The following CEACAM5 variants were observed in gnomAD, a reference collection of about 807,000 sequenced individuals.
CEACAM5 encodes CEA cell adhesion molecule 5.
CEACAM5 carries 52 observed loss-of-function variants against 63.0 expected under a neutral mutation model. That is an observed-to-expected ratio of 0.83 (90% confidence interval 0.66 to 1.04). The LOEUF (loss-of-function observed/expected upper bound fraction) is 1.04. Ranked by LOEUF, CEACAM5 falls within the 50% of genes least tolerant of loss-of-function variation. CEACAM5 has a pLI of 0.00. For synonymous variants in CEACAM5, 357 were observed against 351.3 expected, an observed-to-expected ratio of 1.02 and a Z score of -0.18; for missense variants, 790 against 864.8, an observed-to-expected ratio of 0.91 and a Z score of 1.08.
rs199644619 is a variant in CEACAM5, at chr19:41,720,842, G to T, written c.1772-80G>T. On this transcript the variant is annotated intron_variant, in intron 7 of 9. Coordinates refer to ENST00000221992, the MANE Select transcript of CEACAM5 (RefSeq NM_004363.6). ...ACAGGATTGGGACAGGATTCAGAGG[G>T]ACACTGTGGCCCTTCTACAATCAGG... 13 of 1,541,292 alleles carry T rather than the reference G, an allele frequency of 8.4e-6. No homozygotes were observed. In the East Asian group the frequency reaches 2.9e-4, roughly 35 times the overall value.
chr19:41,718,053 T>C (rs2072555995), intron 5 of CEACAM5, 75 bp from the exon 6 acceptor site: 3 of 1,558,538 alleles, frequency 1.9e-6, no homozygotes, highest in Admixed American at 3.5e-5. Flanking sequence ...GGGGACACTG[T>C]TGCCCTTTCA....
intron 1 of CEACAM5, among the ~76,000 whole-genome samples, chr19:41,709,450 C>A (rs2072396101): frequency 6.6e-6 from 1 of 151,938 alleles, no homozygotes; most frequent in Non-Finnish European, 1.5e-5. Flanking sequence ...CGTGAAGACC[C>A]CTGGAAAAGC....
In CEACAM5 at chr19:41,727,336, T is replaced by G. The variant is rs185229336; in HGVS notation, c.*20T>G. The stretch of plus-strand genomic sequence containing the variant: ...ATATAGCAGCCCTGGTGTAGTTTCT[T>G]CATTTCAGGAAGACTGGTAGGTATA... On this transcript the variant is annotated 3_prime_UTR_variant, in exon 9 of 10. Coordinates refer to ENST00000221992, the MANE Select transcript of CEACAM5 (RefSeq NM_004363.6). The G allele has an allele frequency of 4.6e-4, 722 of 1,568,916 alleles. 3 individuals are homozygous for G. In the African/African-American group the frequency reaches 8.8e-3, roughly 19 times the overall value.
chr19:41,709,657 C>T (rs781840478), intron 1 of CEACAM5, 23 bp from the exon 2 acceptor site: 25 of 1,602,656 alleles, frequency 1.6e-5, no homozygotes, highest in Admixed American at 3.4e-5. Context: ...CAATATTGAC[C>T]GATGCTCTCT....
intron 2 of CEACAM5, among the ~76,000 whole-genome samples, chr19:41,713,175 T>C (rs1318197607): frequency 1.3e-5 from 2 of 152,114 alleles, no homozygotes; most frequent in Non-Finnish European, 2.9e-5. Flanking sequence ...CGTGGTGGCA[T>C]GCACCTACAG....
rs1394158681 is a variant in CEACAM5, at chr19:41,720,737, T to TGATCTGCCCGCCTCGGCCTCCC, written c.1772-184_1772-163dup. ...GTTGGTCAGGCTGGTCTCGAACTCC[T>TGATCTGCCCGCCTCGGCCTCCC]GATCTGCCCGCCTCGGCCTCCCAAA... On this transcript the variant is annotated intron_variant, in intron 7 of 9. Coordinates refer to ENST00000221992, the MANE Select transcript of CEACAM5 (RefSeq NM_004363.6). 4.6e-5 allele frequency among the ~76,000 whole-genome samples: 7 copies of TGATCTGCCCGCCTCGGCCTCCC among 152,264 alleles called. No homozygotes were observed. The South Asian group carries it at 1.0e-3, about 23-fold the overall frequency.
intron 2 of CEACAM5, among the ~76,000 whole-genome samples, chr19:41,712,024 C>T (rs1568700831): frequency 6.6e-6 from 1 of 152,214 alleles, no homozygotes. Flanking sequence ...CTCTTTACTT[C>T]CATGAGGCCA....
In CEACAM5 at chr19:41,710,008, T is replaced by C; in HGVS notation, c.393T>C (p.Asn131=). Residue 131 remains asparagine (N), a synonymous_variant, in exon 2 of 10, where the codon AAT becomes AAC. Transcript: ENST00000221992. ...TLHVIKSDLV[N]EEATGQFRVY... is the part of the protein sequence containing the mutation. ...ACGTCATAAAGTCAGATCTTGTGAA[T>C]GAAGAAGCAACTGGCCAGTTCCGGG... 2.5e-6 allele frequency: 4 copies of C among 1,609,480 alleles called. No individual in the cohort carries two copies. The highest frequency in any genetic ancestry group is 3.4e-6 in the Non-Finnish European group (4 of 1,177,236).
At chr19:41,719,033 C>T (rs1419986132) in intron 6 of CEACAM5, among the ~76,000 whole-genome samples, 3 of 152,140 alleles carry the variant, frequency 2.0e-5, no homozygotes, top group South Asian at 2.1e-4. Context: ...GAGGGAGCCT[C>T]GGGGCAGACT....
At chr19:41,722,363 CAAAA>C (rs35093497) in intron 8 of CEACAM5, among the ~76,000 whole-genome samples, 1 of 87,540 alleles carries the variant, frequency 1.1e-5, no homozygotes, top group Admixed American at 1.2e-4. Context: ...GACTACATCA[CAAAA>C]AAAAAAAAAA....
intron 8 of CEACAM5, among the ~76,000 whole-genome samples, chr19:41,724,578 T>C (rs2072671788): frequency 1.3e-5 from 2 of 152,208 alleles, no homozygotes; most frequent in Admixed American, 6.5e-5. Context: ...CCTAGCAATA[T>C]TGAGACTTCC....
At chr19:41,717,832 C>T in intron 5 of CEACAM5, 99 bp downstream of exon 5, 2 of 1,441,994 alleles carry the variant, frequency 1.4e-6, no homozygotes, top group Non-Finnish European at 1.9e-6. Flanking sequence ...AGGACAGAGA[C>T]TTTTACCCCT....
At chr19:41,709,621 A>C in intron 1 of CEACAM5, 59 bp from the exon 2 acceptor site, 1 of 1,563,070 alleles carries the variant, frequency 6.4e-7, no homozygotes, top group Non-Finnish European at 8.7e-7. Context: ...CCAGGACCCC[A>C]TTTTTCCACC....
chr19:41,721,399 A>T (rs1300407907), intron 8 of CEACAM5, among the ~76,000 whole-genome samples: 1 of 152,166 alleles, frequency 6.6e-6, no homozygotes, highest in Non-Finnish European at 1.5e-5. Flanking sequence ...GAATGTGGGG[A>T]GGGGCCTCCC....
chr19:41,709,919 T>C lies in CEACAM5; in HGVS notation c.304T>C (p.Tyr102His), dbSNP rs782783323. 13 of 1,613,942 alleles carry C rather than the reference T, an allele frequency of 8.1e-6. No individual in the cohort carries two copies. Among genetic ancestry groups the C allele is most frequent in the African/African-American group, 2.7e-5 (2 of 74,838 alleles). The part of the protein sequence containing the change: ...GPAYSGREII[Y>H]PNASLLIQNI... Reference sequence around the variant, plus strand: ...CGCATACAGTGGTCGAGAGATAATATACCCCAATGCATCCCTGCTGATCCA... The same window carrying C: ...CGCATACAGTGGTCGAGAGATAATACACCCCAATGCATCCCTGCTGATCCA... Residue 102 changes from tyrosine (Y) to histidine (H), a missense_variant, in exon 2 of 10, where the codon TAC becomes CAC. Tyr to His is a moderately conservative substitution (Grantham distance 83). Coordinates refer to ENST00000221992, the MANE Select transcript of CEACAM5 (RefSeq NM_004363.6).
Position 41,709,997 on chromosome 19 carries a change from G to T in CEACAM5, c.382G>T (p.Asp128Tyr). 6.2e-7 allele frequency: 1 copy of T among 1,611,176 alleles called. No individual in the cohort carries two copies. Among genetic ancestry groups the T allele is most frequent in the Non-Finnish European group, 8.5e-7 (1 of 1,178,168 alleles). Residue 128 changes from aspartate to tyrosine, a missense_variant, in exon 2 of 10, where the codon GAT becomes TAT. Coordinates refer to ENST00000221992, the MANE Select transcript of CEACAM5 (RefSeq NM_004363.6). ...GFYTLHVIKSDLVNEEATGQF... is the reference protein window; with the variant it reads ...GFYTLHVIKSYLVNEEATGQF... ...CTACACCCTACACGTCATAAAGTCAGATCTTGTGAATGAAGAAGCAACTGG... is the reference window on the plus strand; with the variant it reads ...CTACACCCTACACGTCATAAAGTCATATCTTGTGAATGAAGAAGCAACTGG...
At chr19:41,715,620 T>G (rs782542938) in intron 3 of CEACAM5, 30 bp from the exon 4 acceptor site, 1 of 1,612,636 alleles carries the variant, frequency 6.2e-7, no homozygotes, top group African/African-American at 1.3e-5. Flanking sequence ...TCTGACAATA[T>G]CACCTGTGGC....
chr19:41,711,220 G>A (rs2072430322), intron 2 of CEACAM5, among the ~76,000 whole-genome samples: 1 of 152,138 alleles, frequency 6.6e-6, no homozygotes, highest in African/African-American at 2.4e-5. Context: ...TCAACAGTCA[G>A]GGTCAGTGCC....
intron 3 of CEACAM5, 35 bp from the exon 4 acceptor site, chr19:41,715,615 C>T: frequency 1.9e-6 from 3 of 1,612,212 alleles, no homozygotes; most frequent in Non-Finnish European, 2.5e-6. Flanking sequence ...TTCCCTCTGA[C>T]AATATCACCT....
Sources: allele counts gnomAD v4.1 joint callset (sites outside exome capture counted in the v4.1 genomes callset), GRCh38; gene constraint gnomAD v4.1.1; transcripts MANE v1.5; gene names NCBI Gene and HGNC (gene_info 2026-07-23, HGNC 2026-07-21).